PPID: variants seen among roughly 807,000 people sequenced by gnomAD.
The protein encoded by PPID is peptidylprolyl isomerase D.
In PPID, 47 loss-of-function variants were observed where a neutral mutation model predicts 48.1. The observed-to-expected ratio is 0.98, with a 90% confidence interval of 0.77 to 1.25. The LOEUF (loss-of-function observed/expected upper bound fraction) is 1.25, where lower values mean the gene tolerates loss of function less well. PPID is among the 50% of genes most tolerant of loss of function. PPID has a pLI of 0.00. For missense variants in PPID, 429 were observed against 443.5 expected, an observed-to-expected ratio of 0.97 and a Z score of 0.29; for synonymous variants, 163 against 148.8, an observed-to-expected ratio of 1.10 and a Z score of -0.69.
Position 158,721,450 on chromosome 4 carries a change from A to G in PPID, c.119T>C (p.Ile40Thr), listed in dbSNP as rs751116720. Residue 40 changes from isoleucine (I) to threonine (T), a missense_variant, in exon 2 of 10, where the codon ATC becomes ACC. Ile to Thr is a moderately conservative substitution (Grantham distance 89). Coordinates refer to ENST00000307720, the MANE Select transcript of PPID (RefSeq NM_005038.3). Reference protein sequence around the residue: ...GRIVLELFADIVPKTAENFRA... With the variant: ...GRIVLELFADTVPKTAENFRA... ...AAAATTTTCCGCAGTTTTGGGTACG[A>G]TATCTGCAAACAATTCTAAGACAAT... is the stretch of plus-strand genomic sequence containing the variant. 2.5e-6 allele frequency: 4 copies of G among 1,614,072 alleles called. No individual in the cohort carries two copies. The highest frequency in any genetic ancestry group is 1.3e-5 in the African/African-American group (1 of 74,936).
chr4:158,715,230 A>G, intron 6 of PPID, 67 bp downstream of exon 6: 19 of 1,254,628 alleles, frequency 1.5e-5, no homozygotes, highest in Non-Finnish European at 2.0e-5. Context: ...ATAATGAGCA[A>G]TTCTTAATTT....
Position 158,723,341 on chromosome 4 carries a change from C to G in PPID, c.-53G>C, listed in dbSNP as rs866820642. On this transcript the variant is annotated 5_prime_UTR_variant, in exon 1 of 10. Transcript: ENST00000307720. The stretch of plus-strand genomic sequence containing the variant: ...AATATCAGAGTACCTAGTGGCCGCC[C>G]GGGCCGCCCAAACTCCAGAGTCCGT... 5.2e-6 allele frequency: 8 copies of G among 1,550,662 alleles called. No homozygotes were observed. In the Middle Eastern group the frequency reaches 5.1e-4, roughly 98 times the overall value.
chr4:158,713,257 G>GT lies in PPID; in HGVS notation c.755dup (p.Tyr252Ter). 4.4e-6 allele frequency: 7 copies of GT among 1,604,576 alleles called. No individual in the cohort carries two copies. Among genetic ancestry groups the GT allele is most frequent in the Non-Finnish European group, 5.9e-6 (7 of 1,176,660 alleles). Reference protein sequence around the residue: ...AIKKYAEVLRYVDSSKAVIET... With the variant: ...AIKKYAEVLR ...CAATAACAGCCTTTGAACTGTCCAC[G>GT]TATCTGCAGAATGCATTAATAAAAG... The change falls in exon 7 of 10, where the codon TAC (tyrosine) becomes TAAC (stop). Residue 252 changes from tyrosine to a stop codon, truncating the protein, a stop_gained and frameshift_variant. Transcript: ENST00000307720. LOFTEE classifies it high-confidence loss of function.
chr4:158,717,904 C>T (rs1226054229), intron 3 of PPID, among the ~76,000 whole-genome samples: 1 of 152,212 alleles, frequency 6.6e-6, no homozygotes, highest in East Asian at 1.9e-4. Flanking sequence ...TTAACCTTTT[C>T]ACTTTATCTC....
At chr4:158,712,593 C>T (rs1774807507) in intron 7 of PPID, among the ~76,000 whole-genome samples, 1 of 152,084 alleles carries the variant, frequency 6.6e-6, no homozygotes, top group Non-Finnish European at 1.5e-5. Context: ...CCTGTCTCTA[C>T]TAAAAATACA....
At chr4:158,717,954 G>A (rs918764243) in intron 3 of PPID, among the ~76,000 whole-genome samples, 4 of 152,116 alleles carry the variant, frequency 2.6e-5, no homozygotes, top group East Asian at 1.9e-4. Context: ...TGCATGCACC[G>A]TAACTCTCAT....
Position 158,710,802 on chromosome 4 carries a change from G to A in PPID, c.941C>T (p.Ala314Val). ...TTCTTTTAATCCTTGCCATCCTTGAGCTCTGCGGTACAATGCTTTGGTATT... is the reference window on the plus strand; with the variant it reads ...TTCTTTTAATCCTTGCCATCCTTGAACTCTGCGGTACAATGCTTTGGTATT... Reference protein sequence around the residue: ...PSNTKALYRRAQGWQGLKEYD... With the variant: ...PSNTKALYRRVQGWQGLKEYD... Residue 314 changes from alanine (A) to valine (V), a missense_variant, in exon 8 of 10, where the codon GCT becomes GTT. Physicochemically the swap from Ala to Val is moderately conservative, Grantham distance 64. Transcript: ENST00000307720. The A allele has an allele frequency of 6.2e-7, 1 of 1,613,930 alleles. No individual in the cohort carries two copies. Among genetic ancestry groups the A allele is most frequent in the Non-Finnish European group, 8.5e-7 (1 of 1,179,800 alleles).
At chr4:158,717,459 G>C (rs962254697) in intron 3 of PPID, among the ~76,000 whole-genome samples, 5 of 151,982 alleles carry the variant, frequency 3.3e-5, no homozygotes, top group African/African-American at 1.2e-4. Flanking sequence ...AAGTAAATAG[G>C]TAACAGAAAC....
rs1044603213 is a variant in PPID, at chr4:158,717,068, T to A, written c.466A>T (p.Ile156Leu). 4 of 1,614,052 alleles carry A rather than the reference T, an allele frequency of 2.5e-6. No homozygotes were observed. The African/African-American group carries it at 5.3e-5, about 22-fold the overall frequency. The change falls in exon 4 of 10, where the codon ATA (isoleucine) becomes TTA (leucine). Residue 156 changes from isoleucine (I) to leucine (L), a missense_variant. Coordinates refer to ENST00000307720, the MANE Select transcript of PPID (RefSeq NM_005038.3). Reference sequence around the variant, plus strand: ...TTTTCCAATATCCTTGCCACTCCTATTCCTTTAATTACTTGGCCAAACACC... The same window carrying A: ...TTTTCCAATATCCTTGCCACTCCTAATCCTTTAATTACTTGGCCAAACACC... ...HVVFGQVIKG[I>L]GVARILENVE...
chr4:158,710,629 T>C lies in PPID; in HGVS notation c.1023A>G (p.Lys341=), dbSNP rs769106998. 2 of 1,613,548 alleles carry C rather than the reference T, an allele frequency of 1.2e-6. No homozygotes were observed. Among genetic ancestry groups the C allele is most frequent in the Admixed American group, 1.7e-5 (1 of 60,032 alleles). ...TCACTACAAAAGCTGCCAACTTACC[T>C]TTATCTTCTGGTGCTATCCCCTGAG... ...KKAQGIAPED[K]AIQAELLKVK... The change falls in exon 9 of 10, where the codon AAA becomes AAG. Residue 341 remains lysine, a splice_region_variant and synonymous_variant. Coordinates refer to ENST00000307720, the MANE Select transcript of PPID (RefSeq NM_005038.3).
At position 158,715,284 on chromosome 4, in the gene PPID, G is replaced by T; in HGVS notation, c.752+13C>A. 1 of 1,404,804 alleles carries T rather than the reference G, an allele frequency of 7.1e-7. No individual in the cohort carries two copies. 87.0% of individuals were successfully genotyped at this position (1,404,804 alleles called of 1,614,324 possible). On this transcript the variant is annotated intron_variant, in intron 6 of 9. Transcript: ENST00000307720. The stretch of plus-strand genomic sequence containing the variant: ...ATAATTTCTTAAAAATAATTTGTTA[G>T]AAATAATATTACCTTAAAACTTCTG...
At chr4:158,720,199 T>C (rs1400859253) in intron 2 of PPID, among the ~76,000 whole-genome samples, 1 of 152,204 alleles carries the variant, frequency 6.6e-6, no homozygotes, top group Non-Finnish European at 1.5e-5. Flanking sequence ...TAGGAAATGG[T>C]ACAAGTGTCA....
intron 7 of PPID, among the ~76,000 whole-genome samples, chr4:158,712,489 G>A (rs1774806141): frequency 6.6e-6 from 1 of 152,150 alleles, no homozygotes; most frequent in Non-Finnish European, 1.5e-5. Context: ...CTTCACGGTG[G>A]CTCACACCTG....
At chr4:158,710,962 G>T in intron 7 of PPID, 114 bp from the exon 8 acceptor site, 1 of 929,786 alleles carries the variant, frequency 1.1e-6, no homozygotes, top group Non-Finnish European at 1.6e-6. Context: ...TGAAAATGGA[G>T]CTGAAACATG....
At chr4:158,719,310 T>G in intron 2 of PPID, 24 bp from the exon 3 acceptor site, 1 of 1,462,834 alleles carries the variant, frequency 6.8e-7, no homozygotes, top group Non-Finnish European at 9.6e-7. Flanking sequence ...AAATGGCTAT[T>G]AGTGACTGAG....
At chr4:158,710,875 T>TA in intron 7 of PPID, 27 bp from the exon 8 acceptor site, 1 of 1,558,478 alleles carries the variant, frequency 6.4e-7, no homozygotes, top group Non-Finnish European at 8.8e-7. Flanking sequence ...AGCTAGTATT[T>TA]ATATCAAAGT....
Position 158,710,748 on chromosome 4 carries a change from G to T in PPID, c.981+14C>A. 2 of 1,611,952 alleles carry T rather than the reference G, an allele frequency of 1.2e-6. No individual in the cohort carries two copies. The highest frequency in any genetic ancestry group is 1.7e-6 in the Non-Finnish European group (2 of 1,178,470). On this transcript the variant is annotated intron_variant, in intron 8 of 9. Coordinates refer to ENST00000307720, the MANE Select transcript of PPID (RefSeq NM_005038.3). ...GTCTATTTTAAAAAATTAAACATTT[G>T]GAACAAAATTTACCAATGCTTGATC...
intron 3 of PPID, among the ~76,000 whole-genome samples, chr4:158,718,194 C>T (rs17843915): frequency 0.016 from 2,488 of 152,300 alleles, 71 homozygotes; most frequent in African/African-American, 0.054. Context: ...ATTTCCTCAA[C>T]GTCTCTTGCC....
At chr4:158,710,584 T>A in intron 9 of PPID, 44 bp downstream of exon 9, 3 of 1,583,334 alleles carry the variant, frequency 1.9e-6, no homozygotes, top group Non-Finnish European at 2.6e-6. Flanking sequence ...GGATAAGTAT[T>A]TAAATAACAA....
Sources: allele counts gnomAD v4.1 joint callset (sites outside exome capture counted in the v4.1 genomes callset), GRCh38; gene constraint gnomAD v4.1.1; transcripts MANE v1.5; gene names NCBI Gene and HGNC (gene_info 2026-07-23, HGNC 2026-07-21).